The following PPP1R21 variants were observed in gnomAD, a reference collection of about 807,000 sequenced individuals.
PPP1R21 encodes protein phosphatase 1 regulatory subunit 21.
Under a neutral mutation model 112.8 loss-of-function variants are expected in PPP1R21, and 85 were observed. The ratio of observed to expected loss-of-function variants is 0.75; its 90% confidence interval spans 0.63 to 0.90. PPP1R21 has a LOEUF of 0.90. PPP1R21 is among the 40% of genes least tolerant of loss of function. The probability of loss-of-function intolerance (pLI) is 0.00; values close to 1 mark genes in which losing one functional copy is unlikely to be tolerated. For synonymous variants in PPP1R21, 381 were observed against 322.3 expected (o/e 1.18, Z -1.95); for missense variants, 1,199 against 901.5 (o/e 1.33, Z -4.23).
chr2:48,487,729 C>G lies in PPP1R21; in HGVS notation c.1446+971C>G, dbSNP rs941854768. On this transcript the variant is annotated intron_variant, in intron 14 of 21. Transcript: ENST00000294952. ...TGAGCCGTGTGTGAGCCACTGCACC[C>G]TATCCTGGGTGACAGAGCAAGACCC... is the stretch of plus-strand genomic sequence containing the variant. Among the ~76,000 whole-genome samples the G allele has an allele frequency of 9.0e-4, 135 of 149,404 alleles. 11 individuals carry two copies. Among genetic ancestry groups the G allele is most frequent in the Non-Finnish European group, 1.0e-4 (7 of 67,726 alleles).
intron 6 of PPP1R21, among the ~76,000 whole-genome samples, chr2:48,460,530 G>T (rs776647775): frequency 6.6e-6 from 1 of 152,142 alleles, no homozygotes; most frequent in African/African-American, 2.4e-5. Flanking sequence ...GAGGTTATGC[G>T]ATCTAATTTG....
chr2:48,454,128 G>A (rs1025604424), intron 2 of PPP1R21, among the ~76,000 whole-genome samples: 2 of 152,172 alleles, frequency 1.3e-5, no homozygotes, highest in African/African-American at 4.8e-5. Flanking sequence ...GAGTATGGTA[G>A]TGTGCGCCTG....
chr2:48,449,696 A>G (rs1473553997), intron 1 of PPP1R21, among the ~76,000 whole-genome samples: 1 of 152,020 alleles, frequency 6.6e-6, no homozygotes, highest in Non-Finnish European at 1.5e-5. Context: ...TTCTCAGGAG[A>G]CAGATCTGAG....
Position 48,456,662 on chromosome 2 carries a change from A to G in PPP1R21, c.274-1464A>G, listed in dbSNP as rs111229700. On this transcript the variant is annotated intron_variant, in intron 3 of 21. Coordinates refer to ENST00000294952, the MANE Select transcript of PPP1R21 (RefSeq NM_001135629.3). ...AGTTTTCCCATATGCATTTCCCCACATAGAAGCATTCCCGAGAGTGTTAGT... is the reference window on the plus strand; with the variant it reads ...AGTTTTCCCATATGCATTTCCCCACGTAGAAGCATTCCCGAGAGTGTTAGT... Among the ~76,000 whole-genome samples the G allele has an allele frequency of 2.9e-3, 446 of 152,336 alleles. 8 individuals are homozygous for G. The highest frequency in any genetic ancestry group is 0.01 in the African/African-American group (422 of 41,568).
chr2:48,515,223 T>TCTCTCTCTCTCTCTCTC lies in PPP1R21; in HGVS notation c.*480_*496dup, dbSNP rs1204461359. The stretch of plus-strand genomic sequence containing the variant: ...TAAAAGATTTGTTCATATTTCTCTC[T>TCTCTCTCTCTCTCTCTC]CTCTCTCTCTCTCTCTCTCTCTCTT... On this transcript the variant is annotated 3_prime_UTR_variant, in exon 22 of 22. Transcript: ENST00000294952. The TCTCTCTCTCTCTCTCTC allele has an allele frequency of 6.6e-6, 1 of 152,220 alleles. No homozygotes were observed. The highest frequency in any genetic ancestry group is 1.5e-5 in the Non-Finnish European group (1 of 68,790). 9.4% of individuals were successfully genotyped at this position (152,220 alleles called of 1,614,324 possible).
chr2:48,506,175 A>G (rs146840445), intron 18 of PPP1R21, among the ~76,000 whole-genome samples: 40 of 152,252 alleles, frequency 2.6e-4, no homozygotes, highest in African/African-American at 8.9e-4. Flanking sequence ...GCTTACTGCA[A>G]CCTCTGCCTC....
chr2:48,450,451 T>C (rs1402434800), intron 1 of PPP1R21, among the ~76,000 whole-genome samples: 1 of 152,246 alleles, frequency 6.6e-6, no homozygotes, highest in African/African-American at 2.4e-5. Flanking sequence ...TGGAGCCTGC[T>C]TCTTAGTTGC....
At chr2:48,500,488 G>GA (rs889254128) in intron 17 of PPP1R21, among the ~76,000 whole-genome samples, 5 of 151,426 alleles carry the variant, frequency 3.3e-5, no homozygotes, top group African/African-American at 7.3e-5. Context: ...GGTATGGGGG[G>GA]AAAAAACCCA....
intron 17 of PPP1R21, among the ~76,000 whole-genome samples, chr2:48,504,089 G>A (rs546891588): frequency 6.6e-6 from 1 of 152,162 alleles, no homozygotes; most frequent in East Asian, 1.9e-4. Flanking sequence ...TTTCCTCGCA[G>A]TTTATTTTAT....
At chr2:48,443,856 C>G (rs1226302861) in intron 1 of PPP1R21, among the ~76,000 whole-genome samples, 1 of 151,976 alleles carries the variant, frequency 6.6e-6, no homozygotes, top group African/African-American at 2.4e-5. Flanking sequence ...ATTTTTCTGC[C>G]TTATTTAGGA....
At chr2:48,504,496 C>G (rs1012794051) in intron 17 of PPP1R21, among the ~76,000 whole-genome samples, 3 of 152,132 alleles carry the variant, frequency 2.0e-5, no homozygotes, top group Non-Finnish European at 4.4e-5. Flanking sequence ...AAAAAATTAG[C>G]TGGGCGTGGT....
intron 1 of PPP1R21, among the ~76,000 whole-genome samples, chr2:48,446,798 G>C (rs1667267231): frequency 1.3e-5 from 2 of 152,174 alleles, no homozygotes; most frequent in Admixed American, 6.5e-5. Context: ...CTAGGCTGGA[G>C]TGCAGTGGTG....
intron 13 of PPP1R21, among the ~76,000 whole-genome samples, chr2:48,484,160 A>G (rs550037166): frequency 2.6e-5 from 4 of 152,262 alleles, no homozygotes; most frequent in East Asian, 3.9e-4. Context: ...GGGGTTTGCC[A>G]TGCAGAGATC....
Position 48,458,164 on chromosome 2 carries a change from G to A in PPP1R21, c.312G>A (p.Gln104=). 6.2e-7 allele frequency: 1 copy of A among 1,612,554 alleles called. No homozygotes were observed. Among genetic ancestry groups the A allele is most frequent in the East Asian group, 2.2e-5 (1 of 44,728 alleles). The stretch of plus-strand genomic sequence containing the variant: ...CTTCTTCTCAGTTGAGTCAAGAGCA[G>A]AAGAGTGTCTTTGATGAAGATCTGC... ...GESSSQLSQE[Q]KSVFDEDLQK... The change falls in exon 4 of 22, where the codon CAG becomes CAA. Residue 104 remains glutamine (Q), a synonymous_variant. Coordinates refer to ENST00000294952, the MANE Select transcript of PPP1R21 (RefSeq NM_001135629.3).
intron 16 of PPP1R21, 96 bp from the exon 17 acceptor site, chr2:48,498,397 G>A: frequency 8.6e-7 from 1 of 1,165,870 alleles, no homozygotes; most frequent in Non-Finnish European, 1.2e-6. Context: ...TTACCTCTGT[G>A]GGGTAGTTTT....
At chr2:48,477,477 G>A (rs1238254186) in intron 12 of PPP1R21, among the ~76,000 whole-genome samples, 1 of 152,148 alleles carries the variant, frequency 6.6e-6, no homozygotes. Context: ...TGCACCATTT[G>A]CTGAAAAGCC....
chr2:48,514,061 A>T (rs1327236705), intron 21 of PPP1R21, among the ~76,000 whole-genome samples: 2 of 149,338 alleles, frequency 1.3e-5, no homozygotes, highest in African/African-American at 4.9e-5. Context: ...TTAAACAATG[A>T]CGAGACATGT....
chr2:48,496,879 C>G (rs759362636), intron 16 of PPP1R21, among the ~76,000 whole-genome samples: 1 of 152,224 alleles, frequency 6.6e-6, no homozygotes, highest in African/African-American at 2.4e-5. Flanking sequence ...TTCTGAATAG[C>G]TGAACACATA....
chr2:48,502,707 G>T (rs1200633690), intron 17 of PPP1R21, among the ~76,000 whole-genome samples: 2 of 135,028 alleles, frequency 1.5e-5, no homozygotes. Context: ...TTGAGACGGA[G>T]TCTCGCTCTG....
Sources: gnomAD v4.1 joint callset for allele counts (sites outside exome capture counted in the v4.1 genomes callset) on GRCh38, gnomAD v4.1.1 for gene constraint, MANE v1.5 for transcripts, NCBI Gene and HGNC (gene_info 2026-07-23, HGNC 2026-07-21) for gene names.